Variants in LRP2 observed in about 807,000 individuals in gnomAD.
LRP2 encodes the protein low-density lipoprotein receptor-related protein 2.
Under a neutral mutation model 531.0 loss-of-function variants are expected in LRP2, and 172 were observed. The observed-to-expected ratio is 0.32, with a 90% CI of 0.29 to 0.37. LRP2 has a LOEUF of 0.37. Ranked by LOEUF, LRP2 falls within the 10% of genes least tolerant of loss-of-function variation. The probability of loss-of-function intolerance (pLI) is 1.00; values close to 1 mark genes in which losing one functional copy is unlikely to be tolerated. For synonymous variants in LRP2, 1,992 were observed against 2,027.6 expected (o/e 0.98, Z 0.47); for missense variants, 5,167 against 5,868.3 (o/e 0.88, Z 3.90).
chr2:169,240,882 G>T, intron 25 of LRP2, 106 bp downstream of exon 25: 1 of 1,400,914 alleles, frequency 7.1e-7, no homozygotes. Flanking sequence ...TAGAGGAACT[G>T]AAATCCTTCC....
At chr2:169,163,797 T>C (rs1025932682) in intron 62 of LRP2, among the ~76,000 whole-genome samples, 1 of 152,152 alleles carries the variant, frequency 6.6e-6, no homozygotes, top group Non-Finnish European at 1.5e-5. Context: ...GTGCTGGCCC[T>C]AATGGTAGCA....
intron 25 of LRP2, among the ~76,000 whole-genome samples, chr2:169,240,063 T>C (rs749421701): frequency 3.3e-5 from 5 of 152,200 alleles, no homozygotes; most frequent in Non-Finnish European, 5.9e-5. Flanking sequence ...GGGAAAATAT[T>C]GTTGACATCA....
intron 61 of LRP2, 146 bp from the exon 62 acceptor site, chr2:169,166,200 A>T (rs1686776970): frequency 1.3e-6 from 1 of 779,138 alleles, no homozygotes; most frequent in Non-Finnish European, 2.2e-6. Flanking sequence ...GATACACCTT[A>T]CATGTATAGT....
rs538758364 is a variant in LRP2, at chr2:169,262,583, A to G, written c.2321-3366T>C. Reference sequence around the variant, plus strand: ...AAGAAGAACTACAAACCACTGCTCAATGAAATAAAAGAGGATACAAACAAA... The same window carrying G: ...AAGAAGAACTACAAACCACTGCTCAGTGAAATAAAAGAGGATACAAACAAA... On this transcript the variant is annotated intron_variant, in intron 16 of 78. Coordinates refer to ENST00000649046, the MANE Select transcript of LRP2 (RefSeq NM_004525.3). 4.3e-3 allele frequency among the ~76,000 whole-genome samples: 645 copies of G among 150,106 alleles called. 3 individuals carry two copies. Among genetic ancestry groups the G allele is most frequent in the African/African-American group, 0.015 (605 of 40,904 alleles).
intron 16 of LRP2, 61 bp downstream of exon 16, chr2:169,270,843 C>A: frequency 8.5e-7 from 1 of 1,177,632 alleles, no homozygotes; most frequent in South Asian, 1.3e-5. Flanking sequence ...TTGTAAGTAT[C>A]ATTACAATAA....
At chr2:169,230,640 C>G (rs756033200) in intron 31 of LRP2, among the ~76,000 whole-genome samples, 3 of 152,136 alleles carry the variant, frequency 2.0e-5, no homozygotes, top group African/African-American at 7.2e-5. Flanking sequence ...CACTGAGAAA[C>G]GAAAGGGAAC....
chr2:169,142,282 A>G (rs987373146), intron 71 of LRP2, among the ~76,000 whole-genome samples: 2 of 152,298 alleles, frequency 1.3e-5, no homozygotes, highest in African/African-American at 4.8e-5. Context: ...GCCCTTTTTC[A>G]GTTGTCAAAA....
chr2:169,296,720 G>T (rs1051319786), intron 4 of LRP2, among the ~76,000 whole-genome samples: 5 of 152,060 alleles, frequency 3.3e-5, no homozygotes, highest in African/African-American at 1.2e-4. Context: ...GTGCTGGATG[G>T]ATCTCTCGTT....
At chr2:169,149,346 G>T (rs1444720834) in intron 68 of LRP2, among the ~76,000 whole-genome samples, 5 of 152,118 alleles carry the variant, frequency 3.3e-5, no homozygotes, top group Non-Finnish European at 2.9e-5. Flanking sequence ...CTGTAAGAAG[G>T]TTCAACACAT....
chr2:169,171,980 T>C, intron 58 of LRP2, 35 bp downstream of exon 58: 1 of 1,613,334 alleles, frequency 6.2e-7, no homozygotes, highest in African/African-American at 1.3e-5. Flanking sequence ...ACAGCTCTGG[T>C]GGTATATAAG....
At chr2:169,211,318 T>C (rs1688584255) in intron 37 of LRP2, among the ~76,000 whole-genome samples, 1 of 152,168 alleles carries the variant, frequency 6.6e-6, no homozygotes, top group South Asian at 2.1e-4. Context: ...AAACTCTTAG[T>C]TCCTCTTGTG....
intron 44 of LRP2, among the ~76,000 whole-genome samples, chr2:169,201,427 A>G (rs1377930523): frequency 6.6e-6 from 1 of 152,236 alleles, no homozygotes; most frequent in African/African-American, 2.4e-5. Flanking sequence ...GTCACTTTAA[A>G]ATACTAGAAA....
chr2:169,350,837 T>C (rs1685828641), intron 1 of LRP2, among the ~76,000 whole-genome samples: 1 of 152,068 alleles, frequency 6.6e-6, no homozygotes, highest in Non-Finnish European at 1.5e-5. Flanking sequence ...TTGTGCCTAT[T>C]TTTCCTTCTT....
intron 16 of LRP2, among the ~76,000 whole-genome samples, chr2:169,261,144 AG>A (rs975125010): frequency 2.6e-5 from 4 of 152,020 alleles, no homozygotes; most frequent in African/African-American, 9.7e-5. Flanking sequence ...AATGCAGAGA[AG>A]GGGTTATCAC....
chr2:169,345,867 A>T (rs939173502), intron 1 of LRP2, among the ~76,000 whole-genome samples: 4 of 152,050 alleles, frequency 2.6e-5, no homozygotes, highest in African/African-American at 9.7e-5. Context: ...CAAAAACAAA[A>T]CAAAACAAAA....
rs760566317 is a variant in LRP2, at chr2:169,202,834, G to T, written c.8131C>A (p.Arg2711Ser). ...GASSFTCSNG[R>S]CISEEWKCDN... ...CACTTCCACTCTTCCGAGATGCAGC[G>T]CCCATTGGAGCAGGTGAAGGAAGAT... The change falls in exon 43 of 79, where the codon CGC becomes AGC. Residue 2711 changes from arginine to serine, a missense_variant. Arg to Ser is a moderately radical substitution (Grantham distance 110). This residue lies in a region of LRP2 where 1,129 missense variants were observed against 1,362.7 expected (regional missense o/e 0.83). Transcript: ENST00000649046. 1.7e-5 allele frequency: 28 copies of T among 1,614,130 alleles called. No homozygotes were observed. Among genetic ancestry groups the T allele is most frequent in the Non-Finnish European group, 2.4e-5 (28 of 1,180,030 alleles).
intron 1 of LRP2, among the ~76,000 whole-genome samples, chr2:169,349,469 C>T (rs936022645): frequency 2.0e-5 from 3 of 152,030 alleles, no homozygotes; most frequent in African/African-American, 7.3e-5. Context: ...GATGTGAAGG[C>T]CAAATGGTTA....
intron 17 of LRP2, among the ~76,000 whole-genome samples, 158 bp downstream of exon 17, chr2:169,258,867 T>A (rs191635322): frequency 3.5e-4 from 53 of 152,096 alleles, no homozygotes; most frequent in African/African-American, 1.3e-3. Flanking sequence ...CAGAATAAAG[T>A]TTTTTGGAGG....
chr2:169,212,337 G>T lies in LRP2; in HGVS notation c.6041-130C>A. The T allele has an allele frequency of 5.0e-6, 6 of 1,189,120 alleles. 1 individual carries two copies. Among genetic ancestry groups the T allele is most frequent in the Non-Finnish European group, 7.3e-6 (6 of 823,352 alleles). 73.7% of individuals were successfully genotyped at this position (1,189,120 alleles called of 1,614,324 possible). ...TAACCAACATATAGTAGCTGAGTTA[G>T]CAATCTAAAAACAACATCGGAGAGA... On this transcript the variant is annotated intron_variant, in intron 36 of 78. Transcript: ENST00000649046.
Sources: gnomAD v4.1 joint callset for allele counts (sites outside exome capture counted in the v4.1 genomes callset) on GRCh38, gnomAD v4.1.1 for gene constraint, gnomAD v4.1.1 regional missense constraint, MANE v1.5 for transcripts, NCBI Gene and HGNC (gene_info 2026-07-23, HGNC 2026-07-21) for gene names.